Variants in NXN observed in about 807,000 individuals in gnomAD.
NXN encodes the protein nucleoredoxin 1.
Under a neutral mutation model 48.6 loss-of-function variants are expected in NXN, and 16 were observed. The observed-to-expected ratio is 0.33, with a 90% CI of 0.22 to 0.50. The LOEUF (loss-of-function observed/expected upper bound fraction) is 0.50. NXN is among the 20% of genes least tolerant of loss of function. The pLI, the probability that NXN is intolerant of heterozygous loss-of-function variation, is 0.98. For synonymous variants in NXN, 281 were observed against 269.6 expected, an observed-to-expected ratio of 1.04 and a Z score of -0.41; for missense variants, 492 against 605.5, an observed-to-expected ratio of 0.81 and a Z score of 1.97.
rs143046352 is a variant in NXN at position 933,728 on chromosome 17, C to T, written c.360+45591G>A. Among the ~76,000 whole-genome samples the T allele has an allele frequency of 1.9e-3, 282 of 152,162 alleles. 7 individuals are homozygous for T. The East Asian group carries it at 0.047, about 26-fold the overall frequency. On this transcript the variant is annotated intron_variant, in intron 1 of 7. Transcript: ENST00000336868. ...AAGACACCTCCAGTAAATCCATATC[C>T]GTATTATTCACGAGGCACTAACTAG...
chr17:846,279 G>C (rs935393434), intron 1 of NXN, among the ~76,000 whole-genome samples: 8 of 151,834 alleles, frequency 5.3e-5, no homozygotes, highest in Non-Finnish European at 2.9e-5. Flanking sequence ...AAAATTAGCT[G>C]TGGTGGTGGG....
At chr17:838,915 A>G (rs1913977685) in intron 1 of NXN, among the ~76,000 whole-genome samples, 1 of 152,168 alleles carries the variant, frequency 6.6e-6, no homozygotes, top group Non-Finnish European at 1.5e-5. Flanking sequence ...TGTTTGCTGG[A>G]GGCCGTGTGG....
At chr17:848,289 C>G (rs538896874) in intron 1 of NXN, among the ~76,000 whole-genome samples, 2 of 152,294 alleles carry the variant, frequency 1.3e-5, no homozygotes, top group African/African-American at 4.8e-5. Context: ...AGGCACCCAC[C>G]ACCACGCCCG....
In NXN at chr17:958,192, A is replaced by T. The variant is rs561027997; in HGVS notation, c.360+21127T>A. On this transcript the variant is annotated intron_variant, in intron 1 of 7. Transcript: ENST00000336868. The surrounding 1 kb of genome is among the most constrained non-coding windows in gnomAD (Gnocchi z 6.9). Reference sequence around the variant, plus strand: ...CCTCGTTTGAAAAGGTCACTTGCACATTCTTCTTTCCAGAAGGCTTTTCTT... The same window carrying T: ...CCTCGTTTGAAAAGGTCACTTGCACTTTCTTCTTTCCAGAAGGCTTTTCTT... 1.8e-4 allele frequency among the ~76,000 whole-genome samples: 28 copies of T among 152,270 alleles called. No homozygotes were observed. In the South Asian group the frequency reaches 5.8e-3, roughly 32 times the overall value.
chr17:928,819 G>C (rs1315562773), intron 1 of NXN, among the ~76,000 whole-genome samples: 1 of 151,486 alleles, frequency 6.6e-6, no homozygotes, highest in Non-Finnish European at 1.5e-5. Context: ...CTGGGTGACA[G>C]AGTGAGACTC....
At chr17:905,967 A>C (rs1294646815) in intron 1 of NXN, among the ~76,000 whole-genome samples, 3 of 144,454 alleles carry the variant, frequency 2.1e-5, no homozygotes, top group Non-Finnish European at 3.1e-5. Context: ...ACAGAGTGAG[A>C]CCTTGTCTCA....
chr17:882,706 C>T (rs1407135223), intron 1 of NXN, among the ~76,000 whole-genome samples: 3 of 152,000 alleles, frequency 2.0e-5, no homozygotes, highest in African/African-American at 7.3e-5. Context: ...ACCTCGTGAT[C>T]TGCCTGCCTT....
intron 1 of NXN, among the ~76,000 whole-genome samples, chr17:941,211 G>C (rs529269748): frequency 7.2e-6 from 1 of 139,294 alleles, no homozygotes; most frequent in South Asian, 2.5e-4. Context: ...CCAGGGTGCA[G>C]CCATGAATTC....
intron 5 of NXN, among the ~76,000 whole-genome samples, chr17:812,890 ATG>A (rs1013234149): frequency 8.1e-6 from 1 of 123,338 alleles, no homozygotes; most frequent in Non-Finnish European, 1.7e-5. Flanking sequence ...GCACATGTGA[ATG>A]TAGGTGTGTG....
intron 1 of NXN, among the ~76,000 whole-genome samples, chr17:844,698 C>T (rs1406880283): frequency 6.6e-6 from 1 of 152,052 alleles, no homozygotes; most frequent in Admixed American, 6.6e-5. Flanking sequence ...GATTCTCCTG[C>T]CTCAGCCTCC....
chr17:928,528 T>C (rs934048752), intron 1 of NXN, among the ~76,000 whole-genome samples: 1 of 152,186 alleles, frequency 6.6e-6, no homozygotes, highest in Non-Finnish European at 1.5e-5. Flanking sequence ...AACATTATCC[T>C]TAATTCCCTT....
At chr17:939,502 C>T (rs990433124) in intron 1 of NXN, among the ~76,000 whole-genome samples, 9 of 152,068 alleles carry the variant, frequency 5.9e-5, no homozygotes, top group Non-Finnish European at 1.3e-4. Context: ...CCCGCCACCA[C>T]GCCTAATTAA....
chr17:823,827 G>A (rs570102508), intron 2 of NXN, 62 bp from the exon 3 acceptor site: 3 of 1,587,020 alleles, frequency 1.9e-6, no homozygotes, highest in Non-Finnish European at 2.6e-6. Context: ...TGGGACCCAG[G>A]AGACTTCAGA....
intron 1 of NXN, among the ~76,000 whole-genome samples, chr17:921,584 T>C (rs2068750826): frequency 6.6e-6 from 1 of 151,896 alleles, no homozygotes; most frequent in South Asian, 2.1e-4. Context: ...CGAAGATGAG[T>C]CCATCTGCTC....
intron 1 of NXN, among the ~76,000 whole-genome samples, chr17:831,071 A>T (rs980663856): frequency 6.6e-6 from 1 of 152,268 alleles, no homozygotes. Context: ...TGAGAGCGAA[A>T]ACTGCAAGAA....
chr17:931,722 C>T (rs1231971873), intron 1 of NXN, among the ~76,000 whole-genome samples: 1 of 150,658 alleles, frequency 6.6e-6, no homozygotes, highest in Non-Finnish European at 1.5e-5. Flanking sequence ...GTAGTCCCAG[C>T]TACTCGGGAG....
intron 1 of NXN, among the ~76,000 whole-genome samples, chr17:946,366 A>C (rs2069043961): frequency 6.6e-6 from 1 of 152,136 alleles, no homozygotes; most frequent in Non-Finnish European, 1.5e-5. Context: ...ATGGGGTTTC[A>C]CCATGTTGGC....
intron 1 of NXN, among the ~76,000 whole-genome samples, chr17:909,327 CAG>C (rs1597232957): frequency 6.6e-6 from 1 of 152,002 alleles, no homozygotes; most frequent in African/African-American, 2.4e-5. Context: ...CGGCATGAAA[CAG>C]AGAGATTTTA....
intron 1 of NXN, among the ~76,000 whole-genome samples, chr17:902,441 T>C (rs2068546223): frequency 6.6e-6 from 1 of 152,232 alleles, no homozygotes; most frequent in South Asian, 2.1e-4. Context: ...ACAGATTTAC[T>C]AGGGAGAAGG....
Sources: allele counts gnomAD v4.1 joint callset (sites outside exome capture counted in the v4.1 genomes callset), GRCh38; gene constraint gnomAD v4.1.1; non-coding constraint Gnocchi (gnomAD v3.1); transcripts MANE v1.5; gene names NCBI Gene and HGNC (gene_info 2026-07-23, HGNC 2026-07-21).